PCDHGB5: variants seen among roughly 807,000 people sequenced by gnomAD.
The protein encoded by PCDHGB5 is protocadherin gamma-B5.
Under a neutral mutation model 62.9 loss-of-function variants are expected in PCDHGB5, and 48 were observed. That is an observed-to-expected ratio of 0.76 (90% confidence interval 0.61 to 0.97). The LOEUF (loss-of-function observed/expected upper bound fraction) is 0.97, where lower values mean the gene tolerates loss of function less well. Ranked by LOEUF, PCDHGB5 falls within the 50% of genes least tolerant of loss-of-function variation. The probability of loss-of-function intolerance (pLI) is 0.00; values close to 1 mark genes in which losing one functional copy is unlikely to be tolerated. For missense variants in PCDHGB5, 1,118 were observed against 1,198.6 expected (o/e 0.93, Z 0.99); for synonymous variants, 474 against 511.2 (o/e 0.93, Z 0.98).
At chr5:141,509,777 G>A (rs1244876699) in intron 3 of PCDHGB5, among the ~76,000 whole-genome samples, 1 of 152,100 alleles carries the variant, frequency 6.6e-6, no homozygotes, top group Non-Finnish European at 1.5e-5. Flanking sequence ...TCTAGTCCCC[G>A]AGATCATCAT....
At chr5:141,419,713 C>T in intron 1 of PCDHGB5, 1 of 1,613,264 alleles carries the variant, frequency 6.2e-7, no homozygotes, top group East Asian at 2.2e-5. Context: ...GGCTCTTCAG[C>T]CTGGGGCTGC....
Position 141,419,064 on chromosome 5 carries a change from A to G in PCDHGB5, c.2397+18540A>G, listed in dbSNP as rs149057484. ...ATTCATTCTTCTTCTAATAATTACT[A>G]CAAGCTAGTAACAGATGAGGCCCTG... On this transcript the variant is annotated intron_variant, in intron 1 of 3. Transcript: ENST00000617380. 51 of 1,613,962 alleles carry G rather than the reference A, an allele frequency of 3.2e-5. No homozygotes were observed. In the African/African-American group the frequency reaches 5.9e-4, roughly 19 times the overall value.
At chr5:141,502,666 T>C (rs962424461) in intron 2 of PCDHGB5, among the ~76,000 whole-genome samples, 10 of 152,234 alleles carry the variant, frequency 6.6e-5, no homozygotes, top group African/African-American at 2.2e-4. Context: ...CTTCATGCAA[T>C]TTTAGTATTC....
At position 141,430,859 on chromosome 5, in the gene PCDHGB5, T is replaced by G. The variant is rs770543752; in HGVS notation, c.2397+30335T>G. The stretch of plus-strand genomic sequence containing the variant: ...GACCGGATGCACCCAGATACGCTAT[T>G]CAGTTCCGGAAGAGCTGGAGAAAGG... On this transcript the variant is annotated intron_variant, in intron 1 of 3. Transcript: ENST00000617380. 5.0e-6 allele frequency: 8 copies of G among 1,592,398 alleles called. No homozygotes were observed. The East Asian group carries it at 1.6e-4, about 31-fold the overall frequency.
At position 141,489,720 on chromosome 5, in the gene PCDHGB5, G is replaced by T. The variant is rs560729125; in HGVS notation, c.2398-5087G>T. 1.9e-6 allele frequency: 3 copies of T among 1,614,200 alleles called. No individual in the cohort carries two copies. Among genetic ancestry groups the T allele is most frequent in the Middle Eastern group, 1.6e-4 (1 of 6,062 alleles). ...TCCCACTGGACAGTGCCCAGGATCC[G>T]GATGTGGGCACCAATACTGTGAGCT... On this transcript the variant is annotated intron_variant, in intron 1 of 3. Transcript: ENST00000617380. This position sits in a 1 kb window ranked among gnomAD's most constrained non-coding sequence, Gnocchi z 4.5.
intron 2 of PCDHGB5, 107 bp from the exon 3 acceptor site, chr5:141,505,286 A>T: frequency 3.2e-6 from 5 of 1,551,278 alleles, no homozygotes; most frequent in Non-Finnish European, 4.4e-6. Flanking sequence ...GGTCTTGGGC[A>T]TGGGGTAGGG....
intron 1 of PCDHGB5, among the ~76,000 whole-genome samples, chr5:141,452,054 C>A (rs578157525): frequency 6.4e-4 from 97 of 152,196 alleles, no homozygotes; most frequent in African/African-American, 2.2e-3. Flanking sequence ...TTTGTAATAA[C>A]TTATTCTACT....
At chr5:141,403,157 A>G in intron 1 of PCDHGB5, 3 of 1,614,030 alleles carry the variant, frequency 1.9e-6, no homozygotes, top group Non-Finnish European at 8.5e-7. Context: ...CATCGTCTCT[A>G]GAGGTAGGAC....
At chr5:141,453,959 C>A (rs919037104) in intron 1 of PCDHGB5, among the ~76,000 whole-genome samples, 1 of 152,182 alleles carries the variant, frequency 6.6e-6, no homozygotes, top group African/African-American at 2.4e-5. Flanking sequence ...GCACAGACAG[C>A]AAAGCATGTA....
rs1001719735 is a variant in PCDHGB5 at position 141,512,055 on chromosome 5, TGAC to T, written c.*883_*885del. 10 of 152,698 alleles carry T rather than the reference TGAC, an allele frequency of 6.5e-5. No homozygotes were observed. The highest frequency in any genetic ancestry group is 1.4e-4 in the African/African-American group (6 of 41,450). 9.5% of individuals were successfully genotyped at this position (152,698 alleles called of 1,614,324 possible). On this transcript the variant is annotated 3_prime_UTR_variant, in exon 4 of 4. Coordinates refer to ENST00000617380, the MANE Select transcript of PCDHGB5 (RefSeq NM_018925.3). ...GAGGCTCTGTATGTCCTCAGGGGACTGACAACATCCTCCAGATTCCAGCCATAA... is the reference window on the plus strand; with the variant it reads ...GAGGCTCTGTATGTCCTCAGGGGACTAACATCCTCCAGATTCCAGCCATAA...
intron 1 of PCDHGB5, among the ~76,000 whole-genome samples, chr5:141,480,960 A>G (rs954219522): frequency 1.3e-5 from 2 of 152,190 alleles, no homozygotes; most frequent in African/African-American, 4.8e-5. Context: ...CGGAAGCATC[A>G]GTGAGGGAGA....
rs759226115 is a variant in PCDHGB5 at position 141,405,385 on chromosome 5, A to AT, written c.2397+4869dup. 3.1e-5 allele frequency: 49 copies of AT among 1,599,976 alleles called. 1 individual carries two copies. The highest frequency in any genetic ancestry group is 2.8e-4 in the Admixed American group (16 of 56,782). On this transcript the variant is annotated intron_variant, in intron 1 of 3. Coordinates refer to ENST00000617380, the MANE Select transcript of PCDHGB5 (RefSeq NM_018925.3). ...ACACCCCTTTGGTTCCGGTGAGTTC[A>AT]TTTTTTTTCTTTCTTTCTTTTCTTT...
Position 141,432,035 on chromosome 5 carries a change from G to T in PCDHGB5, c.2397+31511G>T. 1 of 1,614,218 alleles carries T rather than the reference G, an allele frequency of 6.2e-7. No homozygotes were observed. The highest frequency in any genetic ancestry group is 1.1e-5 in the South Asian group (1 of 91,066). On this transcript the variant is annotated intron_variant, in intron 1 of 3. Transcript: ENST00000617380. The surrounding 1 kb of genome is among the most constrained non-coding windows in gnomAD (Gnocchi z 6.0). ...CTACAACATCACAGTGACCGCCACT[G>T]ACCGGGGAACCCCGCCCCTATCCAC... is the stretch of plus-strand genomic sequence containing the variant.
intron 1 of PCDHGB5, among the ~76,000 whole-genome samples, chr5:141,459,559 A>AC (rs920626314): frequency 6.6e-6 from 1 of 152,198 alleles, no homozygotes; most frequent in Non-Finnish European, 1.5e-5. Flanking sequence ...TTGGATAAAT[A>AC]CCCCAAAACA....
At chr5:141,483,064 A>G (rs1245942485) in intron 1 of PCDHGB5, among the ~76,000 whole-genome samples, 2 of 152,142 alleles carry the variant, frequency 1.3e-5, no homozygotes, top group Non-Finnish European at 2.9e-5. Context: ...CAGCATGGGC[A>G]ACAGAGAGAG....
In PCDHGB5 at chr5:141,477,085, G is replaced by A. The variant is rs1420972762; in HGVS notation, c.2398-17722G>A. On this transcript the variant is annotated intron_variant, in intron 1 of 3. Coordinates refer to ENST00000617380, the MANE Select transcript of PCDHGB5 (RefSeq NM_018925.3). This position sits in a 1 kb window ranked among gnomAD's most constrained non-coding sequence, Gnocchi z 4.9. ...CCAAACTCCATGAGATTTACATCCAGGCCAAAGACAAGGGCGCCAATCCCG... is the reference window on the plus strand; with the variant it reads ...CCAAACTCCATGAGATTTACATCCAAGCCAAAGACAAGGGCGCCAATCCCG... 1 of 1,614,262 alleles carries A rather than the reference G, an allele frequency of 6.2e-7. No individual in the cohort carries two copies. The highest frequency in any genetic ancestry group is 1.7e-5 in the Admixed American group (1 of 60,034).
At position 141,432,207 on chromosome 5, in the gene PCDHGB5, A is replaced by G. The variant is rs1181424938; in HGVS notation, c.2397+31683A>G. 3 of 1,614,176 alleles carry G rather than the reference A, an allele frequency of 1.9e-6. No homozygotes were observed. The highest frequency in any genetic ancestry group is 2.5e-6 in the Non-Finnish European group (3 of 1,180,026). ...ACCGCCCACGACCCCGACTGTGAAG[A>G]GAACGCCCAGATCACTTATTCCCTG... On this transcript the variant is annotated intron_variant, in intron 1 of 3. Transcript: ENST00000617380. The surrounding 1 kb of genome is among the most constrained non-coding windows in gnomAD (Gnocchi z 6.0).
rs1390355431 is a variant in PCDHGB5 at position 141,398,550 on chromosome 5, A to G, written c.423A>G (p.Gln141=). The G allele has an allele frequency of 1.2e-6, 2 of 1,613,816 alleles. No individual in the cohort carries two copies. Among genetic ancestry groups the G allele is most frequent in the Non-Finnish European group, 1.7e-6 (2 of 1,179,880 alleles). The change falls in exon 1 of 4, where the codon CAA becomes CAG. Residue 141 remains glutamine (Q), a synonymous_variant. Coordinates refer to ENST00000617380, the MANE Select transcript of PCDHGB5 (RefSeq NM_018925.3). The part of the protein sequence containing the change: ...PKFTQNSFEL[Q]ISESAQPGTR... ...TCACGCAAAATTCCTTTGAGCTGCA[A>G]ATAAGTGAGTCTGCACAGCCTGGCA... is the stretch of plus-strand genomic sequence containing the variant.
At chr5:141,415,040 C>T (rs772941952) in intron 1 of PCDHGB5, 8 of 1,613,520 alleles carry the variant, frequency 5.0e-6, no homozygotes, top group South Asian at 1.1e-5. Context: ...GGACTCTTCG[C>T]GGTGGGGGAG....
Sources: allele counts gnomAD v4.1 joint callset (sites outside exome capture counted in the v4.1 genomes callset), GRCh38; gene constraint gnomAD v4.1.1; non-coding constraint Gnocchi (gnomAD v3.1); transcripts MANE v1.5; gene names NCBI Gene and HGNC (gene_info 2026-07-23, HGNC 2026-07-21).